Variants in NEDD4 observed in about 807,000 individuals in gnomAD.
NEDD4 encodes NEDD4 E3 ubiquitin protein ligase.
Under a neutral mutation model 144.9 loss-of-function variants are expected in NEDD4, and 99 were observed. That is an observed-to-expected ratio of 0.68 (90% CI 0.58 to 0.81). The LOEUF (loss-of-function observed/expected upper bound fraction) is 0.81. Among genes scored for constraint, NEDD4 ranks in the 30% least tolerant of loss-of-function variants. The pLI is 0.00. For missense variants in NEDD4, 985 were observed against 1,065.9 expected (o/e 0.92, Z 1.06); for synonymous variants, 318 against 350.6 (o/e 0.91, Z 1.04).
At chr15:55,866,557 A>C (rs1312348552) in intron 8 of NEDD4, among the ~76,000 whole-genome samples, 16 of 152,170 alleles carry the variant, frequency 1.1e-4, no homozygotes, top group African/African-American at 3.9e-4. Context: ...CTTTAAGATT[A>C]ATACAATTTA....
At chr15:55,915,717 C>G in intron 5 of NEDD4, 1 of 1,613,936 alleles carries the variant, frequency 6.2e-7, no homozygotes, top group Non-Finnish European at 8.5e-7. Flanking sequence ...ACAAGAATAT[C>G]CTTCAGATGA....
intron 5 of NEDD4, among the ~76,000 whole-genome samples, chr15:55,915,096 C>A (rs942006442): frequency 6.6e-6 from 1 of 151,886 alleles, no homozygotes; most frequent in Non-Finnish European, 1.5e-5. Flanking sequence ...GGTAAAATAA[C>A]AAATAGAGTA....
intron 1 of NEDD4, among the ~76,000 whole-genome samples, chr15:55,986,580 C>CTTTTTT (rs58470215): frequency 3.8e-4 from 29 of 76,434 alleles, no homozygotes; most frequent in Admixed American, 5.6e-4. Flanking sequence ...CCTGTCCTTG[C>CTTTTTT]TTTTTTTTTT....
At chr15:55,979,953 C>T (rs1236821551) in intron 1 of NEDD4, among the ~76,000 whole-genome samples, 2 of 151,542 alleles carry the variant, frequency 1.3e-5, no homozygotes, top group African/African-American at 4.9e-5. Context: ...CTTTGTCGCC[C>T]AGATTGGAGT....
chr15:55,872,219 A>G (rs1481026969), intron 7 of NEDD4, among the ~76,000 whole-genome samples, 196 bp downstream of exon 7: 2 of 151,826 alleles, frequency 1.3e-5, no homozygotes, highest in Non-Finnish European at 2.9e-5. Context: ...TATTTTCAGA[A>G]TGTTTTGCAA....
intron 5 of NEDD4, among the ~76,000 whole-genome samples, chr15:55,881,251 C>T (rs1334414568): frequency 6.6e-6 from 1 of 151,632 alleles, no homozygotes; most frequent in Non-Finnish European, 1.5e-5. Flanking sequence ...CGGCAATTCT[C>T]CTGCCTCAGC....
chr15:55,865,146 T>C (rs1391862261), intron 8 of NEDD4, among the ~76,000 whole-genome samples: 1 of 137,882 alleles, frequency 7.3e-6, no homozygotes, highest in Non-Finnish European at 1.5e-5. Context: ...TGCAGTGAGC[T>C]GAGATCGCAC....
At chr15:55,860,365 T>C (rs754629879) in intron 11 of NEDD4, 42 bp downstream of exon 11, 15 of 1,595,944 alleles carry the variant, frequency 9.4e-6, no homozygotes, top group African/African-American at 1.3e-5. Context: ...ATATGCATAA[T>C]ATAAACTACT....
intron 2 of NEDD4, among the ~76,000 whole-genome samples, chr15:55,966,133 C>G (rs1423241584): frequency 8.5e-5 from 13 of 152,236 alleles, no homozygotes; most frequent in Admixed American, 8.5e-4. Context: ...CTGCTCTGTT[C>G]ACTCTCCACT....
chr15:55,924,786 G>T, intron 4 of NEDD4, 87 bp from the exon 5 acceptor site: 1 of 1,323,290 alleles, frequency 7.6e-7, no homozygotes, highest in Non-Finnish European at 1.1e-6. Flanking sequence ...GCTGCCATTT[G>T]GTCGGGCATG....
intron 8 of NEDD4, among the ~76,000 whole-genome samples, chr15:55,864,518 C>T (rs963487923): frequency 6.6e-6 from 1 of 151,788 alleles, no homozygotes; most frequent in Non-Finnish European, 1.5e-5. Context: ...CCCATCTCTA[C>T]TAAAAATACA....
chr15:55,880,333 G>C (rs1218891110), intron 5 of NEDD4, among the ~76,000 whole-genome samples: 1 of 151,934 alleles, frequency 6.6e-6, no homozygotes, highest in African/African-American at 2.4e-5. Context: ...ATTAGGCAAA[G>C]TGCATGAAAG....
intron 4 of NEDD4, among the ~76,000 whole-genome samples, chr15:55,946,067 T>A (rs530204561): frequency 6.0e-4 from 91 of 152,242 alleles, no homozygotes; most frequent in Middle Eastern, 6.8e-3. Context: ...ATTATAAAGA[T>A]CATCGATGCT....
At chr15:55,985,921 G>C (rs558290429) in intron 1 of NEDD4, among the ~76,000 whole-genome samples, 1 of 152,276 alleles carries the variant, frequency 6.6e-6, no homozygotes, top group African/African-American at 2.4e-5. Context: ...GCTGATTGTA[G>C]ATAGCTGAGC....
At chr15:55,868,964 C>T (rs2034680104) in intron 8 of NEDD4, among the ~76,000 whole-genome samples, 1 of 152,144 alleles carries the variant, frequency 6.6e-6, no homozygotes, top group Non-Finnish European at 1.5e-5. Flanking sequence ...ACTAGGATTC[C>T]AGTCTCCAAA....
chr15:55,843,487 C>T (rs1418924082), intron 18 of NEDD4, among the ~76,000 whole-genome samples: 1 of 152,164 alleles, frequency 6.6e-6, no homozygotes, highest in Admixed American at 6.5e-5. Flanking sequence ...TTAGGCAGAA[C>T]TTATTGTAAA....
intron 5 of NEDD4, among the ~76,000 whole-genome samples, chr15:55,881,227 T>C (rs201569707): frequency 2.0e-5 from 3 of 151,382 alleles, no homozygotes; most frequent in East Asian, 3.9e-4. Context: ...CTGCAACCTC[T>C]ACCTCCCGGG....
At chr15:55,992,906 G>T (rs1251588460) in intron 1 of NEDD4, among the ~76,000 whole-genome samples, 1 of 152,154 alleles carries the variant, frequency 6.6e-6, no homozygotes, top group African/African-American at 2.4e-5. Flanking sequence ...AATAAAGCAT[G>T]AACTTCTCAC....
chr15:55,841,985 A>G lies in NEDD4; in HGVS notation c.1787T>C (p.Ile596Thr). The part of the protein sequence containing the change: ...GGVAREWFFL[I>T]SKEMFNPYYG... Reference sequence around the variant, plus strand: ...ATAAGGGTTAAACATTTCCTTTGAGATCAGGAAGAACCATTCTCTGGCAAC... The same window carrying G: ...ATAAGGGTTAAACATTTCCTTTGAGGTCAGGAAGAACCATTCTCTGGCAAC... Residue 596 changes from isoleucine to threonine, a missense_variant, in exon 19 of 29, where the codon ATC becomes ACC. Transcript: ENST00000435532. 1 of 1,614,222 alleles carries G rather than the reference A, an allele frequency of 6.2e-7. No individual in the cohort carries two copies. Among genetic ancestry groups the G allele is most frequent in the East Asian group, 2.2e-5 (1 of 44,882 alleles).
Sources: allele counts gnomAD v4.1 joint callset (sites outside exome capture counted in the v4.1 genomes callset), GRCh38; gene constraint gnomAD v4.1.1; transcripts MANE v1.5; gene names NCBI Gene and HGNC (gene_info 2026-07-23, HGNC 2026-07-21).